Variants in CEP63 observed in about 807,000 individuals in gnomAD.
CEP63 encodes centrosomal protein 63.
A neutral mutation model predicts 89.1 loss-of-function variants in CEP63; 84 were observed. The ratio of observed to expected loss-of-function variants is 0.94; its 90% CI spans 0.79 to 1.13. The LOEUF is 1.13. CEP63 is among the 50% of genes most tolerant of loss of function. The pLI, the probability that CEP63 is intolerant of heterozygous loss-of-function variation, is 0.00. For missense variants in CEP63, 838 were observed against 813.3 expected, an observed-to-expected ratio of 1.03 and a Z score of -0.37; for synonymous variants, 267 against 272.5, an observed-to-expected ratio of 0.98 and a Z score of 0.20.
downstream of CEP63, among the ~76,000 whole-genome samples, chr3:134,589,135 A>G (rs1958547777): frequency 6.6e-6 from 1 of 152,222 alleles, no homozygotes; most frequent in Non-Finnish European, 1.5e-5. Flanking sequence ...TTAAGGAAGA[A>G]GTAAGCCTAT....
the CEP63 span, among the ~76,000 whole-genome samples, chr3:134,604,801 A>C: frequency 2.0e-5 from 3 of 152,182 alleles, no homozygotes. Flanking sequence ...TTCACATTAG[A>C]TGAAGGTTGC....
At chr3:134,729,632 T>C in the CEP63 span, among the ~76,000 whole-genome samples, 3 of 152,240 alleles carry the variant, frequency 2.0e-5, no homozygotes, top group African/African-American at 7.2e-5. Context: ...TGGTTTCTTA[T>C]AGAATAAGGT....
intron 2 of CEP63, among the ~76,000 whole-genome samples, chr3:134,503,487 G>A (rs1306544881): frequency 6.6e-6 from 1 of 152,124 alleles, no homozygotes; most frequent in East Asian, 1.9e-4. Flanking sequence ...TTCTGCAGCT[G>A]TTACATGAAA....
the CEP63 span, chr3:134,620,865 G>A: frequency 2.5e-6 from 4 of 1,586,850 alleles, no homozygotes; most frequent in Admixed American, 1.7e-5. Context: ...CACCTGGGGA[G>A]CAGGAAGGGT....
At chr3:134,585,899 A>G (rs1246860785) in intron 10 of CEP63, among the ~76,000 whole-genome samples, 2 of 152,184 alleles carry the variant, frequency 1.3e-5, no homozygotes, top group African/African-American at 4.8e-5. Flanking sequence ...ATATATATTT[A>G]GGATAGTTAA....
intron 1 of CEP63, among the ~76,000 whole-genome samples, chr3:134,489,733 G>A (rs1045965121): frequency 1.3e-5 from 2 of 152,102 alleles, no homozygotes; most frequent in African/African-American, 4.8e-5. Flanking sequence ...TACAGGAAAG[G>A]CAAGAAAAAT....
At chr3:134,579,270 G>A (rs111700886), downstream of CEP63, among the ~76,000 whole-genome samples, 183 of 152,312 alleles carry the variant, frequency 1.2e-3, no homozygotes, top group African/African-American at 4.2e-3. Flanking sequence ...GGGTAGGTTT[G>A]GTTTATGCAG....
At chr3:134,497,231 T>C (rs1476541214) in intron 2 of CEP63, among the ~76,000 whole-genome samples, 2 of 152,358 alleles carry the variant, frequency 1.3e-5, no homozygotes, top group East Asian at 1.9e-4. Flanking sequence ...TCTTTGACTC[T>C]ATTGTTTCCT....
At chr3:134,614,619 T>C in the CEP63 span, among the ~76,000 whole-genome samples, 1 of 152,118 alleles carries the variant, frequency 6.6e-6, no homozygotes. Context: ...TGGGTTACCC[T>C]TGATGAACCC....
chr3:134,523,914 A>G (rs917614006), intron 3 of CEP63, among the ~76,000 whole-genome samples: 2 of 152,046 alleles, frequency 1.3e-5, no homozygotes, highest in African/African-American at 4.8e-5. Flanking sequence ...AGTTTTTCCT[A>G]GTTCTGTGAA....
the CEP63 span, among the ~76,000 whole-genome samples, chr3:134,690,284 A>G: frequency 1.3e-5 from 2 of 152,234 alleles, no homozygotes; most frequent in Non-Finnish European, 2.9e-5. Context: ...ACAAAATACA[A>G]GCCTAACTTT....
intron 12 of CEP63, chr3:134,552,896 A>C (rs1955231884): frequency 6.6e-6 from 1 of 152,112 alleles, no homozygotes; most frequent in Non-Finnish European, 1.5e-5. Flanking sequence ...TCTAGCCTTT[A>C]AGAGACTAGA....
intron 2 of CEP63, among the ~76,000 whole-genome samples, chr3:134,502,215 C>T (rs999101262): frequency 9.9e-5 from 15 of 151,984 alleles, no homozygotes; most frequent in African/African-American, 3.6e-4. Flanking sequence ...TTTTGATGTG[C>T]TGCTGGATTC....
At chr3:134,604,175 T>G in the CEP63 span, 1 of 1,610,404 alleles carries the variant, frequency 6.2e-7, no homozygotes, top group Non-Finnish European at 8.5e-7. Flanking sequence ...GAGGGCTTCA[T>G]GATGCCCATC....
the CEP63 span, chr3:134,651,275 G>T: frequency 3.3e-6 from 4 of 1,194,720 alleles, no homozygotes; most frequent in Non-Finnish European, 4.2e-6. Context: ...CCCTCCCTGC[G>T]CCCCTGCCTC....
the CEP63 span, among the ~76,000 whole-genome samples, chr3:134,594,706 G>GT: frequency 1.4e-4 from 21 of 152,348 alleles, no homozygotes; most frequent in African/African-American, 4.8e-4. Context: ...CTCAACAGCT[G>GT]TTTTGGTCAA....
the CEP63 span, chr3:134,610,395 A>G: frequency 6.2e-7 from 1 of 1,605,182 alleles, no homozygotes. Flanking sequence ...TGGGGGCAGG[A>G]CAGGGGGTCT....
the CEP63 span, among the ~76,000 whole-genome samples, chr3:134,746,074 C>A: frequency 1.2e-4 from 18 of 151,872 alleles, no homozygotes; most frequent in African/African-American, 4.1e-4. Flanking sequence ...CACCACCCCC[C>A]CCACCCCATG....
chr3:134,592,174 A>G (rs1489249142), downstream of CEP63, among the ~76,000 whole-genome samples: 1 of 152,200 alleles, frequency 6.6e-6, no homozygotes. Context: ...GGACTCACTC[A>G]GTTCCTCAAA....
Sources: allele counts gnomAD v4.1 joint callset (sites outside exome capture counted in the v4.1 genomes callset), GRCh38; gene constraint gnomAD v4.1.1; transcripts MANE v1.5; gene names NCBI Gene and HGNC (gene_info 2026-07-23, HGNC 2026-07-21).